DCAF5: variants seen among roughly 807,000 people sequenced by gnomAD.
The protein encoded by DCAF5 is DDB1- and CUL4-associated factor 5.
Under a neutral mutation model 80.7 loss-of-function variants are expected in DCAF5, and 9 were observed. The observed-to-expected ratio is 0.11, with a 90% CI of 0.07 to 0.19. The LOEUF (loss-of-function observed/expected upper bound fraction) is 0.19, where lower values mean the gene tolerates loss of function less well. Ranked by LOEUF, DCAF5 falls within the 10% of genes least tolerant of loss-of-function variation. DCAF5 has a pLI of 1.00. For synonymous variants in DCAF5, 433 were observed against 461.9 expected, an observed-to-expected ratio of 0.94 and a Z score of 0.80; for missense variants, 842 against 1,205.7, an observed-to-expected ratio of 0.70 and a Z score of 4.47.
intron 6 of DCAF5, chr14:69,085,123 C>T: frequency 1.3e-6 from 1 of 790,394 alleles, no homozygotes; most frequent in Non-Finnish European, 2.3e-6. Flanking sequence ...GCTCAGGAAG[C>T]ATATAAATCA....
intron 1 of DCAF5, among the ~76,000 whole-genome samples, chr14:69,130,721 G>A (rs1171974264): frequency 1.3e-5 from 2 of 152,186 alleles, no homozygotes; most frequent in Non-Finnish European, 2.9e-5. Context: ...ATTAGTGACT[G>A]TATTAATTGT....
intron 6 of DCAF5, chr14:69,084,448 T>A: frequency 1.2e-6 from 1 of 841,154 alleles, no homozygotes; most frequent in Non-Finnish European, 2.1e-6. Context: ...TGCCAACACG[T>A]AGACAGACGA....
In DCAF5 at chr14:69,125,375, A is replaced by G. The variant is rs2040842879; in HGVS notation, c.215-3015T>C. Among the ~76,000 whole-genome samples, 2 of 152,212 alleles carry G rather than the reference A, an allele frequency of 1.3e-5. 1 individual carries two copies. The highest frequency in any genetic ancestry group is 4.1e-4 in the South Asian group (2 of 4,832). On this transcript the variant is annotated intron_variant, in intron 1 of 8. Coordinates refer to ENST00000341516, the MANE Select transcript of DCAF5 (RefSeq NM_003861.3). ...AACAGGACTGCCTGAATTTATAAGA[A>G]TTCTTGCAGTGCACAAAACTGGTAA...
At chr14:69,119,596 T>A (rs1440969027) in intron 2 of DCAF5, among the ~76,000 whole-genome samples, 1 of 151,424 alleles carries the variant, frequency 6.6e-6, no homozygotes, top group Admixed American at 6.6e-5. Context: ...ACCCTTGAAG[T>A]CCCAGCTACT....
rs56922727 is a variant in DCAF5, at chr14:69,078,351, T to A, written c.880-2940A>T. Among the ~76,000 whole-genome samples, 1,383 of 152,204 alleles carry A rather than the reference T, an allele frequency of 9.1e-3. 23 individuals carry two copies. Among genetic ancestry groups the A allele is most frequent in the African/African-American group, 0.032 (1,311 of 41,534 alleles). ...ACAATGAGATACCACCTCATACCCA[T>A]CAGAATGGTTACTATGAAAAACAAA... On this transcript the variant is annotated intron_variant, in intron 6 of 8. Transcript: ENST00000341516.
chr14:69,141,282 A>G (rs1406602687), intron 1 of DCAF5, among the ~76,000 whole-genome samples: 1 of 151,906 alleles, frequency 6.6e-6, no homozygotes, highest in Non-Finnish European at 1.5e-5. Context: ...TTTTACTTGC[A>G]TACCAGACAG....
intron 1 of DCAF5, among the ~76,000 whole-genome samples, chr14:69,135,736 C>T (rs1417284157): frequency 6.6e-6 from 1 of 152,160 alleles, no homozygotes; most frequent in African/African-American, 2.4e-5. Flanking sequence ...GTGAACATAA[C>T]CACTTCCCAA....
At chr14:69,069,647 T>C (rs2038606406) in intron 7 of DCAF5, among the ~76,000 whole-genome samples, 2 of 152,146 alleles carry the variant, frequency 1.3e-5, no homozygotes, top group Non-Finnish European at 2.9e-5. Context: ...TTTCTTTTTA[T>C]TATTATTATT....
intron 1 of DCAF5, among the ~76,000 whole-genome samples, chr14:69,137,973 T>A (rs911793859): frequency 2.0e-5 from 3 of 152,212 alleles, no homozygotes; most frequent in Admixed American, 2.0e-4. Context: ...CATCTGCAGT[T>A]GCAGGCATCC....
At chr14:69,104,040 T>C (rs1179066268) in intron 5 of DCAF5, among the ~76,000 whole-genome samples, 1 of 152,214 alleles carries the variant, frequency 6.6e-6, no homozygotes, top group East Asian at 1.9e-4. Flanking sequence ...TTATAAGGAA[T>C]AAAGCTGCTA....
At chr14:69,102,439 C>A (rs1460305089) in intron 5 of DCAF5, among the ~76,000 whole-genome samples, 3 of 151,772 alleles carry the variant, frequency 2.0e-5, no homozygotes, top group Non-Finnish European at 2.9e-5. Flanking sequence ...ACTTTATAAA[C>A]TTTTTTACTG....
rs1415244487 is a variant in DCAF5, at chr14:69,076,872, T to C, written c.880-1461A>G. Among the ~76,000 whole-genome samples, 5 of 152,218 alleles carry C rather than the reference T, an allele frequency of 3.3e-5. No individual in the cohort carries two copies. In the East Asian group the frequency reaches 9.6e-4, roughly 29 times the overall value. The stretch of plus-strand genomic sequence containing the variant: ...CAGAGATCTTTCACGTAAGGCCAAG[T>C]ATCCTGAACTTCCTTACTGCCAGCT... On this transcript the variant is annotated intron_variant, in intron 6 of 8. Coordinates refer to ENST00000341516, the MANE Select transcript of DCAF5 (RefSeq NM_003861.3).
intron 7 of DCAF5, among the ~76,000 whole-genome samples, chr14:69,065,115 T>G: frequency 1.3e-5 from 2 of 150,438 alleles, no homozygotes; most frequent in African/African-American, 4.9e-5. Flanking sequence ...TTTTTTTTTT[T>G]GAGACGGAGT....
rs764666058 is a variant in DCAF5, at chr14:69,054,859, G to A, written c.1827C>T (p.Tyr609=). ...GGTAATCATAGTTGTCTTCTCCAAT[G>A]TAAGTGTTGGTGGGCTTGATTGGGG... ...PSAPIKPTNT[Y]IGEDNYDYPQ... Residue 609 remains tyrosine, a synonymous_variant, in exon 9 of 9, where the codon TAC becomes TAT. Transcript: ENST00000341516. 8 of 1,614,060 alleles carry A rather than the reference G, an allele frequency of 5.0e-6. No homozygotes were observed. The highest frequency in any genetic ancestry group is 2.7e-5 in the African/African-American group (2 of 74,932).
chr14:69,084,853 T>C (rs2039257213), intron 6 of DCAF5: 2 of 1,140,116 alleles, frequency 1.8e-6, no homozygotes, highest in Admixed American at 1.7e-5. Context: ...TGGACATTAC[T>C]GAAGTCAACT....
At position 69,052,251 on chromosome 14, in the gene DCAF5, A is replaced by C. The variant is rs1002813083; in HGVS notation, c.*1606T>G. 3.3e-5 allele frequency: 5 copies of C among 152,394 alleles called. No individual in the cohort carries two copies. Among genetic ancestry groups the C allele is most frequent in the African/African-American group, 1.2e-4 (5 of 41,376 alleles). 9.4% of individuals were successfully genotyped at this position (152,394 alleles called of 1,614,324 possible). A position where few individuals can be genotyped will look rare whatever the true frequency, so the allele number is the denominator to read the frequency against. The stretch of plus-strand genomic sequence containing the variant: ...ATAACCCCCCCACCCCCAGTGCCTG[A>C]ATTCATCCACATCTTCTGCCTTCAT... On this transcript the variant is annotated 3_prime_UTR_variant, in exon 9 of 9. Coordinates refer to ENST00000341516, the MANE Select transcript of DCAF5 (RefSeq NM_003861.3).
At chr14:69,147,303 A>G (rs1268139751) in intron 1 of DCAF5, among the ~76,000 whole-genome samples, 2 of 152,212 alleles carry the variant, frequency 1.3e-5, no homozygotes, top group Non-Finnish European at 2.9e-5. Context: ...TATATGTTAG[A>G]TGTTGAAGGT....
At chr14:69,058,600 C>T (rs770119196) in intron 8 of DCAF5, among the ~76,000 whole-genome samples, 1 of 151,652 alleles carries the variant, frequency 6.6e-6, no homozygotes, top group Non-Finnish European at 1.5e-5. Flanking sequence ...AAGAGCCAGG[C>T]GTGGTGGCTC....
At chr14:69,109,112 C>T (rs1307836929) in intron 5 of DCAF5, among the ~76,000 whole-genome samples, 6 of 152,044 alleles carry the variant, frequency 3.9e-5, no homozygotes, top group South Asian at 2.1e-4. Context: ...GAGGCTGAGG[C>T]GGGTGGATCA....
Sources: gnomAD v4.1 joint callset for allele counts (sites outside exome capture counted in the v4.1 genomes callset) on GRCh38, gnomAD v4.1.1 for gene constraint, MANE v1.5 for transcripts, NCBI Gene and HGNC (gene_info 2026-07-23, HGNC 2026-07-21) for gene names.